Variants in KHSRP observed in about 807,000 individuals in gnomAD.
KHSRP encodes the protein KH-type splicing regulatory protein.
Under a neutral mutation model 94.9 loss-of-function variants are expected in KHSRP, and 13 were observed. That is an observed-to-expected ratio of 0.14 (90% confidence interval 0.09 to 0.22). The LOEUF (loss-of-function observed/expected upper bound fraction) is 0.22, where lower values mean the gene tolerates loss of function less well. Ranked by LOEUF, KHSRP falls within the 10% of genes least tolerant of loss-of-function variation. KHSRP has a pLI of 1.00. For synonymous variants in KHSRP, 495 were observed against 401.4 expected (o/e 1.23, Z -2.79); for missense variants, 710 against 1,010.0 (o/e 0.70, Z 4.03).
chr19:6,424,096 G>A (rs1705357205), intron 1 of KHSRP: 1 of 152,242 alleles, frequency 6.6e-6, no homozygotes, highest in Non-Finnish European at 1.5e-5. Context: ...CTGATATGGA[G>A]GGGAGAGTAA....
chr19:6,415,930 G>T, intron 15 of KHSRP, 34 bp from the exon 16 acceptor site: 1 of 1,347,946 alleles, frequency 7.4e-7, no homozygotes, highest in Non-Finnish European at 9.9e-7. Context: ...CTTGAGCAGT[G>T]GTGCGGGGGT....
In KHSRP at chr19:6,421,389, T is replaced by A. The variant is rs1418223322; in HGVS notation, c.386-72A>T. 1.3e-5 allele frequency: 20 copies of A among 1,486,666 alleles called. No individual in the cohort carries two copies. The Admixed American group carries it at 3.9e-4, about 29-fold the overall frequency. The allele number at this position is 1,486,666 out of a possible 1,614,324, so 92.1% of individuals were successfully genotyped here. On this transcript the variant is annotated intron_variant, in intron 3 of 18. Coordinates refer to ENST00000600480, the MANE Select transcript of KHSRP (RefSeq NM_001366299.1). ...GGCACTTGGCACTGCCTGCCCCGGG[T>A]CAGTGGGAGCTGAGCCCGGCACCAC...
At position 6,413,954 on chromosome 19, in the gene KHSRP, T is replaced by TGCCCCCAAGTC. The variant is rs1195226473; in HGVS notation, c.*1059_*1069dup. ...CAGGCGAGAGAGTGAGGGCCCGGCATGCCCCCAAGTCCCCCCCACCCTGCT... is the reference window on the plus strand; with the variant it reads ...CAGGCGAGAGAGTGAGGGCCCGGCATGCCCCCAAGTCGCCCCCAAGTCCCCCCCACCCTGCT... On this transcript the variant is annotated 3_prime_UTR_variant, in exon 19 of 19. Coordinates refer to ENST00000600480, the MANE Select transcript of KHSRP (RefSeq NM_001366299.1). The TGCCCCCAAGTC allele has an allele frequency of 1.1e-6, 1 of 870,616 alleles. No homozygotes were observed. Among genetic ancestry groups the TGCCCCCAAGTC allele is most frequent in the African/African-American group, 1.7e-5 (1 of 58,128 alleles). 53.9% of individuals were successfully genotyped at this position (870,616 alleles called of 1,614,324 possible).
chr19:6,417,555 G>A (rs1403556523), intron 11 of KHSRP, among the ~76,000 whole-genome samples, 184 bp downstream of exon 11: 2 of 152,206 alleles, frequency 1.3e-5, no homozygotes, highest in Non-Finnish European at 2.9e-5. Context: ...CCCTGGATGT[G>A]GAAAGCCCTC....
intron 15 of KHSRP, among the ~76,000 whole-genome samples, 175 bp from the exon 16 acceptor site, chr19:6,416,071 G>A (rs2092143617): frequency 6.6e-6 from 1 of 152,256 alleles, no homozygotes; most frequent in Non-Finnish European, 1.5e-5. Context: ...CGCAGCGTCA[G>A]CTTGAGGACA....
chr19:6,416,394 G>A lies in KHSRP; in HGVS notation c.1502C>T (p.Pro501Leu). 2 of 1,613,456 alleles carry A rather than the reference G, an allele frequency of 1.2e-6. No homozygotes were observed. The highest frequency in any genetic ancestry group is 1.7e-6 in the Non-Finnish European group (2 of 1,179,732). Residue 501 changes from proline to leucine, a missense_variant, in exon 15 of 19, where the codon CCA becomes CTA. Pro to Leu is a moderately conservative substitution (Grantham distance 98). This residue lies in a region of KHSRP where 292 missense variants were observed against 340.5 expected (regional missense o/e 0.86). Transcript: ENST00000600480. Reference protein sequence around the residue: ...IEEKIEGPLCPVGPGPGGPGP... With the variant: ...IEEKIEGPLCLVGPGPGGPGP... The stretch of plus-strand genomic sequence containing the variant: ...TGGGCCACCTGGGCCTGGTCCAACT[G>A]GGCAGAGAGGACCCTAGAAGGAAGG...
Position 6,420,406 on chromosome 19 carries a change from G to A in KHSRP, c.475+16C>T. 1.2e-6 allele frequency: 2 copies of A among 1,613,314 alleles called. No homozygotes were observed. Among genetic ancestry groups the A allele is most frequent in the South Asian group, 1.1e-5 (1 of 91,052 alleles). Reference sequence around the variant, plus strand: ...GGGAAGAGTGGGCCTCCCCACCCAAGGTGACCCACACTCACTCAGGCCCAC... The same window carrying A: ...GGGAAGAGTGGGCCTCCCCACCCAAAGTGACCCACACTCACTCAGGCCCAC... On this transcript the variant is annotated intron_variant, in intron 5 of 18. Transcript: ENST00000600480.
Position 6,414,199 on chromosome 19 carries a change from G to A in KHSRP, c.*825C>T. On this transcript the variant is annotated 3_prime_UTR_variant, in exon 19 of 19. Transcript: ENST00000600480. ...GACTAGGGGGCGGAAGAGAGGAGGG[G>A]CTGGAACACCGTGGGGGGGGCCAGG... 2 of 1,538,958 alleles carry A rather than the reference G, an allele frequency of 1.3e-6. No individual in the cohort carries two copies. Among genetic ancestry groups the A allele is most frequent in the Non-Finnish European group, 1.7e-6 (2 of 1,143,448 alleles).
chr19:6,420,511 A>G (rs1239649935), intron 4 of KHSRP, 40 bp from the exon 5 acceptor site: 1 of 1,590,024 alleles, frequency 6.3e-7, no homozygotes, highest in African/African-American at 1.3e-5. Flanking sequence ...TCAAGTGGGA[A>G]GGGAGGAGGA....
intron 5 of KHSRP, 84 bp from the exon 6 acceptor site, chr19:6,420,228 G>A: frequency 1.5e-6 from 2 of 1,328,260 alleles, no homozygotes; most frequent in Non-Finnish European, 2.1e-6. Context: ...CGGGGCCCCA[G>A]CCCCTCTGAC....
rs372100733 is a variant in KHSRP, at chr19:6,418,625, C to A, written c.781-44G>T. Reference sequence around the variant, plus strand: ...CCGTTAGTGCTGGGCTCTCCCAGGACTTCCTGGGCTGCTGTGGTGGTGGCG... The same window carrying A: ...CCGTTAGTGCTGGGCTCTCCCAGGAATTCCTGGGCTGCTGTGGTGGTGGCG... On this transcript the variant is annotated intron_variant, in intron 8 of 18. Transcript: ENST00000600480. The surrounding 1 kb of genome is among the most constrained non-coding windows in gnomAD (Gnocchi z 4.3). 31 of 1,611,202 alleles carry A rather than the reference C, an allele frequency of 1.9e-5. No homozygotes were observed. The highest frequency in any genetic ancestry group is 2.6e-5 in the Non-Finnish European group (31 of 1,177,434).
chr19:6,417,247 G>A (rs1046316420), intron 11 of KHSRP, among the ~76,000 whole-genome samples, 160 bp from the exon 12 acceptor site: 7 of 152,224 alleles, frequency 4.6e-5, no homozygotes, highest in Non-Finnish European at 8.8e-5. Context: ...AGGGGGAGGC[G>A]GCCCACATTC....
At position 6,414,265 on chromosome 19, in the gene KHSRP, C is replaced by T. The variant is rs749604436; in HGVS notation, c.*759G>A. 7.3e-5 allele frequency: 107 copies of T among 1,457,310 alleles called. No homozygotes were observed. The highest frequency in any genetic ancestry group is 1.8e-4 in the East Asian group (7 of 39,568). The allele number at this position is 1,457,310 out of a possible 1,614,324, so 90.3% of individuals were successfully genotyped here. On this transcript the variant is annotated 3_prime_UTR_variant, in exon 19 of 19. Coordinates refer to ENST00000600480, the MANE Select transcript of KHSRP (RefSeq NM_001366299.1). The stretch of plus-strand genomic sequence containing the variant: ...CCTGCGCTGGCTCAGGCTGGAAGGA[C>T]GTGCTTGTTAACTGTCTAGCCAGGT...
At position 6,417,708 on chromosome 19, in the gene KHSRP, T is replaced by TG. The variant is rs2092160646; in HGVS notation, c.1081+30dup. ...CCTCCCAAAGAGGGTGGGGGTGCAC[T>TG]GGCCAGGGGCAGGGTGGGCCAGGCC... On this transcript the variant is annotated intron_variant, in intron 11 of 18. Transcript: ENST00000600480. 1.9e-6 allele frequency: 3 copies of TG among 1,589,934 alleles called. No homozygotes were observed. The East Asian group carries it at 6.7e-5, about 36-fold the overall frequency.
Position 6,414,189 on chromosome 19 carries a change from G to A in KHSRP, c.*835C>T. 6.4e-7 allele frequency: 1 copy of A among 1,574,632 alleles called. No homozygotes were observed. ...AAGGGTGGGAGACTAGGGGGCGGAA[G>A]AGAGGAGGGGCTGGAACACCGTGGG... is the stretch of plus-strand genomic sequence containing the variant. On this transcript the variant is annotated 3_prime_UTR_variant, in exon 19 of 19. Coordinates refer to ENST00000600480, the MANE Select transcript of KHSRP (RefSeq NM_001366299.1).
Position 6,415,050 on chromosome 19 carries a change from G to T in KHSRP, c.2218C>A (p.Pro740Thr). The change falls in exon 19 of 19, where the codon CCC becomes ACC. Residue 740 changes from proline to threonine, a missense_variant. Physicochemically the swap from Pro to Thr is conservative, Grantham distance 38. Around this residue, in one of 5 missense-constraint regions of KHSRP, gnomAD observed 292 missense variants for 340.5 expected, o/e 0.86. Coordinates refer to ENST00000600480, the MANE Select transcript of KHSRP (RefSeq NM_001366299.1). ...CAAGGGCACACCCCGCAGGGGAAGG[G>T]GTTTCCGGCGCTACCCACTAAGGCA... ...HPALVGSAGN[P>T]FPCGVCP 6.5e-7 allele frequency: 1 copy of T among 1,548,564 alleles called. No individual in the cohort carries two copies.
Position 6,414,321 on chromosome 19 carries a change from C to T in KHSRP, c.*703G>A, listed in dbSNP as rs1411120406. 13 of 1,393,772 alleles carry T rather than the reference C, an allele frequency of 9.3e-6. No individual in the cohort carries two copies. The highest frequency in any genetic ancestry group is 1.1e-5 in the Non-Finnish European group (12 of 1,067,884). 86.3% of individuals were successfully genotyped at this position (1,393,772 alleles called of 1,614,324 possible). A position where few individuals can be genotyped will look rare whatever the true frequency, so the allele number is the denominator to read the frequency against. ...CGGGACTCGCTGAAGTCACGCTGCT[C>T]CCTGATGGAGAAGGAGGGACAGAGC... On this transcript the variant is annotated 3_prime_UTR_variant, in exon 19 of 19. Coordinates refer to ENST00000600480, the MANE Select transcript of KHSRP (RefSeq NM_001366299.1).
rs915803394 is a variant in KHSRP, at chr19:6,414,466, G to A, written c.*558C>T. The A allele has an allele frequency of 8.7e-7, 1 of 1,150,334 alleles. No homozygotes were observed. Among genetic ancestry groups the A allele is most frequent in the Non-Finnish European group, 1.1e-6 (1 of 933,808 alleles). 71.3% of individuals were successfully genotyped at this position (1,150,334 alleles called of 1,614,324 possible). A position where few individuals can be genotyped will look rare whatever the true frequency, so the allele number is the denominator to read the frequency against. ...ACGACATGAACAATCCAGAGATCAT[G>A]GTGTCCCCACAACACCCCTGTGAGG... On this transcript the variant is annotated 3_prime_UTR_variant, in exon 19 of 19. Transcript: ENST00000600480.
intron 13 of KHSRP, 34 bp downstream of exon 13, chr19:6,416,704 G>A: frequency 6.2e-7 from 1 of 1,611,592 alleles, no homozygotes; most frequent in Non-Finnish European, 8.5e-7. Flanking sequence ...AGGGAAGAGG[G>A]GGCAAGGGAT....
Sources: gnomAD v4.1 joint callset for allele counts (sites outside exome capture counted in the v4.1 genomes callset) on GRCh38, gnomAD v4.1.1 for gene constraint, gnomAD v4.1.1 regional missense constraint, Gnocchi (gnomAD v3.1) non-coding constraint, MANE v1.5 for transcripts, NCBI Gene and HGNC (gene_info 2026-07-23, HGNC 2026-07-21) for gene names.